The following CEP350 variants were observed in gnomAD, a reference collection of about 807,000 sequenced individuals.
CEP350 encodes the protein centrosomal protein 350, also known as centrosome-associated protein 350.
A neutral mutation model predicts 331.8 loss-of-function variants in CEP350; 126 were observed. That is an observed-to-expected ratio of 0.38 (90% CI 0.33 to 0.44). The LOEUF (loss-of-function observed/expected upper bound fraction) is 0.44, where lower values mean the gene tolerates loss of function less well. CEP350 is among the 20% of genes least tolerant of loss of function. The pLI, the probability that CEP350 is intolerant of heterozygous loss-of-function variation, is 1.00. For synonymous variants in CEP350, 1,200 were observed against 1,259.5 expected (o/e 0.95, Z 1.00); for missense variants, 3,406 against 3,634.6 (o/e 0.94, Z 1.62).
intron 1 of CEP350, among the ~76,000 whole-genome samples, chr1:179,964,348 G>GT (rs1230918451): frequency 1.3e-5 from 2 of 151,940 alleles, no homozygotes; most frequent in Non-Finnish European, 2.9e-5. Context: ...AATAGGAGTC[G>GT]TAAGAGTGCA....
chr1:179,997,091 C>A lies in CEP350; in HGVS notation c.934C>A (p.Pro312Thr), dbSNP rs780221760. 1 of 1,613,872 alleles carries A rather than the reference C, an allele frequency of 6.2e-7. No individual in the cohort carries two copies. Among genetic ancestry groups the A allele is most frequent in the South Asian group, 1.1e-5 (1 of 91,082 alleles). The change falls in exon 6 of 38, where the codon CCA becomes ACA. Residue 312 changes from proline to threonine, a missense_variant. This residue lies in a region of CEP350 where 1,857 missense variants were observed against 1,909.2 expected (regional missense o/e 0.97). Transcript: ENST00000367607. Reference sequence around the variant, plus strand: ...CCAGAAGCTGGGTCATATTGACCATCCAGTAATGGTTGTTAATGTTGATAA... The same window carrying A: ...CCAGAAGCTGGGTCATATTGACCATACAGTAATGGTTGTTAATGTTGATAA... Reference protein sequence around the residue: ...RGQKLGHIDHPVMVVNVDNSV... With the variant: ...RGQKLGHIDHTVMVVNVDNSV...
chr1:180,102,616 A>G (rs2149173503), intron 37 of CEP350, among the ~76,000 whole-genome samples: 1 of 152,346 alleles, frequency 6.6e-6, no homozygotes, highest in Admixed American at 6.5e-5. Flanking sequence ...AAAGTATAAA[A>G]AAGAATAGAA....
At chr1:180,015,997 T>C in intron 11 of CEP350, 27 bp downstream of exon 11, 1 of 1,602,208 alleles carries the variant, frequency 6.2e-7, no homozygotes, top group Non-Finnish European at 8.5e-7. Flanking sequence ...GAAAGATGAT[T>C]AAGATTCTTT....
rs368536848 is a variant in CEP350 at position 180,111,021 on chromosome 1, G to A, written c.9214G>A (p.Ala3072Thr). 17 of 1,613,770 alleles carry A rather than the reference G, an allele frequency of 1.1e-5. No homozygotes were observed. The highest frequency in any genetic ancestry group is 5.3e-5 in the African/African-American group (4 of 74,900). ...GGTTCAGGAGCTCCATGAGGAGGAG[G>A]CACAGTGGGTGAACTATGATGAGGA... is the stretch of plus-strand genomic sequence containing the variant. ...ILVQELHEEE[A>T]QWVNYDEDEL... The change falls in exon 38 of 38, where the codon GCA becomes ACA. Residue 3072 changes from alanine to threonine, a missense_variant. Transcript: ENST00000367607.
intron 26 of CEP350, among the ~76,000 whole-genome samples, chr1:180,063,252 G>T (rs1207790250): frequency 6.3e-5 from 9 of 141,816 alleles, no homozygotes; most frequent in African/African-American, 2.3e-4. Flanking sequence ...ATAAAATGGT[G>T]CAATCACAGC....
At chr1:179,991,667 A>ATGTG (rs751570955) in intron 4 of CEP350, among the ~76,000 whole-genome samples, 3,355 of 90,050 alleles carry the variant, frequency 0.037, 100 homozygotes, top group African/African-American at 0.058. Flanking sequence ...ATATATATAT[A>ATGTG]TGTGTGTGTG....
At chr1:180,052,251 C>G in intron 22 of CEP350, 1 of 453,138 alleles carries the variant, frequency 2.2e-6, no homozygotes, top group Non-Finnish European at 4.4e-6. Flanking sequence ...GTCACCCAGG[C>G]TGGTCTCGAA....
At chr1:179,992,348 A>G (rs1653159660) in intron 5 of CEP350, 127 bp downstream of exon 5, 2 of 690,650 alleles carry the variant, frequency 2.9e-6, no homozygotes, top group Admixed American at 4.3e-5. Context: ...CTCTAATATT[A>G]CTACCTTTTT....
In CEP350 at chr1:180,024,077, G is replaced by A. The variant is rs556611571; in HGVS notation, c.3387-342G>A. ...TCCAGGTAGAGGTAGAACATATTAA[G>A]TTATTGTTCTCCATAAGAATATAAG... On this transcript the variant is annotated intron_variant, in intron 13 of 37. Transcript: ENST00000367607. 2.0e-5 allele frequency among the ~76,000 whole-genome samples: 3 copies of A among 151,828 alleles called. No homozygotes were observed. In the South Asian group the frequency reaches 6.2e-4, roughly 32 times the overall value.
intron 1 of CEP350, among the ~76,000 whole-genome samples, chr1:179,965,189 C>G (rs143844913): frequency 6.6e-6 from 1 of 152,160 alleles, no homozygotes; most frequent in African/African-American, 2.4e-5. Flanking sequence ...TGTTTAGTTT[C>G]CATGTATTTG....
intron 7 of CEP350, 71 bp from the exon 8 acceptor site, chr1:180,006,382 TC>T (rs1295951204): frequency 2.5e-6 from 2 of 796,336 alleles, no homozygotes; most frequent in Non-Finnish European, 4.3e-6. Context: ...TACAGATTTT[TC>T]CTATGGGCGG....
intron 32 of CEP350, among the ~76,000 whole-genome samples, chr1:180,090,073 C>T (rs1368876753): frequency 6.6e-6 from 1 of 152,020 alleles, no homozygotes; most frequent in Non-Finnish European, 1.5e-5. Context: ...TAGCTTTGAA[C>T]AAATAAGAGA....
intron 14 of CEP350, among the ~76,000 whole-genome samples, chr1:180,029,336 C>T (rs1319110113): frequency 6.6e-6 from 1 of 152,014 alleles, no homozygotes; most frequent in Non-Finnish European, 1.5e-5. Context: ...TATTTATTGT[C>T]AACAAACAAT....
intron 1 of CEP350, chr1:179,968,806 AC>A: frequency 1.4e-6 from 1 of 694,852 alleles, no homozygotes; most frequent in South Asian, 1.4e-5. Flanking sequence ...TCTGAAGAGG[AC>A]CTGAAAGAAG....
chr1:180,092,652 A>G lies in CEP350; in HGVS notation c.6547A>G (p.Arg2183Gly). 1 of 1,606,450 alleles carries G rather than the reference A, an allele frequency of 6.2e-7. No individual in the cohort carries two copies. Among genetic ancestry groups the G allele is most frequent in the South Asian group, 1.1e-5 (1 of 90,006 alleles). ...TGGTTCTGAGAGATCAGTATCAGAA[A>G]GGTCTTTATCTGCATATGCAAAGAG... ...LSGSERSVSE[R>G]SLSAYAKRVN... Residue 2183 changes from arginine to glycine, a missense_variant, in exon 34 of 38, where the codon AGG (arginine) becomes GGG (glycine). By Grantham distance (125) the Arg-to-Gly change is moderately radical. This residue lies in a region of CEP350 where 1,415 missense variants were observed against 1,512.3 expected (regional missense o/e 0.94). Transcript: ENST00000367607.
chr1:180,014,024 T>TA lies in CEP350; in HGVS notation c.1572dup (p.Pro525ThrfsTer3), dbSNP rs1654818236. ...AATACTGCCTTAAATAAGGACTTTT[T>TA]ACCTATTGAAATTCGTGGCATTCTT... On this transcript the variant is annotated frameshift_variant, in exon 10 of 38. Transcript: ENST00000367607. LOFTEE classifies it high-confidence loss of function. 1 of 1,613,442 alleles carries TA rather than the reference T, an allele frequency of 6.2e-7. No individual in the cohort carries two copies. The highest frequency in any genetic ancestry group is 1.3e-5 in the African/African-American group (1 of 74,908).
At position 180,041,685 on chromosome 1, in the gene CEP350, G is replaced by A. The variant is rs1159332308; in HGVS notation, c.4245G>A (p.Gln1415=). Residue 1415 remains glutamine, a synonymous_variant, in exon 19 of 38, where the codon CAG becomes CAA. Transcript: ENST00000367607. ...AAQVHAESLQ[Q]VVQSQREVTE... is the part of the protein sequence containing the mutation. Reference sequence around the variant, plus strand: ...AGGTCCATGCAGAATCATTACAGCAGGTGGTTCAATCACAACGGGAAGTAA... The same window carrying A: ...AGGTCCATGCAGAATCATTACAGCAAGTGGTTCAATCACAACGGGAAGTAA... 6.2e-7 allele frequency: 1 copy of A among 1,613,718 alleles called. No homozygotes were observed. Among genetic ancestry groups the A allele is most frequent in the Non-Finnish European group, 8.5e-7 (1 of 1,179,782 alleles).
intron 15 of CEP350, among the ~76,000 whole-genome samples, chr1:180,032,952 A>G (rs1388946859): frequency 6.6e-6 from 1 of 152,160 alleles, no homozygotes; most frequent in Non-Finnish European, 1.5e-5. Flanking sequence ...TAAGGGTCAA[A>G]TAAACACATG....
intron 1 of CEP350, among the ~76,000 whole-genome samples, chr1:179,981,907 G>C (rs1290227153): frequency 6.6e-6 from 1 of 152,064 alleles, no homozygotes; most frequent in South Asian, 2.1e-4. Context: ...GGCTGAGGTG[G>C]GAGGAACACC....
Sources: gnomAD v4.1 joint callset for allele counts (sites outside exome capture counted in the v4.1 genomes callset) on GRCh38, gnomAD v4.1.1 for gene constraint, gnomAD v4.1.1 regional missense constraint, MANE v1.5 for transcripts, NCBI Gene and HGNC (gene_info 2026-07-23, HGNC 2026-07-21) for gene names.